Variants in SBF2 observed in about 807,000 individuals in gnomAD.
The protein encoded by SBF2 is myotubularin-related protein 13.
A neutral mutation model predicts 225.2 loss-of-function variants in SBF2; 112 were observed. The observed-to-expected ratio is 0.50, with a 90% confidence interval of 0.43 to 0.58. The LOEUF is 0.58. SBF2 is among the 20% of genes least tolerant of loss of function. The pLI is 0.00. For missense variants in SBF2, 1,996 were observed against 2,206.2 expected (o/e 0.90, Z 1.91); for synonymous variants, 763 against 773.3 (o/e 0.99, Z 0.22).
At chr11:10,299,076 C>T (rs142127780), upstream of SBF2, among the ~76,000 whole-genome samples, 398 of 152,226 alleles carry the variant, frequency 2.6e-3, 1 homozygote, top group Non-Finnish European at 5.2e-3. Flanking sequence ...TGGTGGCTCA[C>T]GCCTGTAATC....
intron 16 of SBF2, among the ~76,000 whole-genome samples, chr11:9,936,988 C>T (rs1864944924): frequency 6.6e-6 from 1 of 152,124 alleles, no homozygotes; most frequent in African/African-American, 2.4e-5. Flanking sequence ...AAAGGTCCCA[C>T]CTCCCAACAC....
At position 10,286,351 on chromosome 11, in the gene SBF2, G is replaced by GTTT. The variant is rs34975719; in HGVS notation, c.55+7661_55+7663dup. Among the ~76,000 whole-genome samples, 517 of 142,600 alleles carry GTTT rather than the reference G, an allele frequency of 3.6e-3. 6 individuals are homozygous for GTTT. The highest frequency in any genetic ancestry group is 4.2e-3 in the African/African-American group (161 of 38,722). The allele number at this position is 142,600 out of a possible 152,430, so 93.6% of individuals were successfully genotyped here. A position where few individuals can be genotyped will look rare whatever the true frequency, so the allele number is the denominator to read the frequency against. On this transcript the variant is annotated intron_variant, in intron 1 of 39. Coordinates refer to ENST00000256190, the MANE Select transcript of SBF2 (RefSeq NM_030962.4). Reference sequence around the variant, plus strand: ...AGCTAGAGGAAGTTTTTGTTCTTTGGTTTTTTTTTTTTTGAGACAGTCTTG... The same window carrying GTTT: ...AGCTAGAGGAAGTTTTTGTTCTTTGGTTTTTTTTTTTTTTTTGAGACAGTCTTG...
intron 1 of SBF2, 69 bp downstream of exon 1, chr11:10,293,946 C>A: frequency 8.5e-7 from 1 of 1,179,318 alleles, no homozygotes; most frequent in Non-Finnish European, 1.1e-6. Flanking sequence ...ACGCCCGGCC[C>A]CGCGGAGCCC....
At chr11:10,280,738 T>A (rs767167604) in intron 1 of SBF2, among the ~76,000 whole-genome samples, 2 of 151,104 alleles carry the variant, frequency 1.3e-5, no homozygotes, top group Non-Finnish European at 2.9e-5. Context: ...CTACCCTTGA[T>A]ACAGCATGGT....
At chr11:10,186,563 T>C (rs1956940892) in intron 2 of SBF2, among the ~76,000 whole-genome samples, 1 of 152,116 alleles carries the variant, frequency 6.6e-6, no homozygotes, top group African/African-American at 2.4e-5. Context: ...AAAAATGTGT[T>C]CATCAACCCA....
At chr11:10,104,429 T>A (rs1320621217) in intron 2 of SBF2, among the ~76,000 whole-genome samples, 1 of 152,130 alleles carries the variant, frequency 6.6e-6, no homozygotes, top group Non-Finnish European at 1.5e-5. Flanking sequence ...AAATCTGAGA[T>A]CAGAAGCAGC....
intron 1 of SBF2, among the ~76,000 whole-genome samples, chr11:10,221,383 G>T (rs938904573): frequency 6.6e-6 from 1 of 152,136 alleles, no homozygotes; most frequent in Non-Finnish European, 1.5e-5. Flanking sequence ...CTCCTAAAGT[G>T]CTGGGATTAC....
intron 14 of SBF2, among the ~76,000 whole-genome samples, chr11:9,965,956 CAATT>C (rs1475601730): frequency 1.3e-5 from 2 of 152,132 alleles, no homozygotes; most frequent in African/African-American, 4.8e-5. Flanking sequence ...TTACAATCTC[CAATT>C]AATAACACAC....
At chr11:9,878,669 A>C (rs539886438) in intron 17 of SBF2, among the ~76,000 whole-genome samples, 1 of 152,340 alleles carries the variant, frequency 6.6e-6, no homozygotes, top group East Asian at 1.9e-4. Context: ...GGTACACACA[A>C]TGCTTGTTAA....
chr11:9,790,424 T>G (rs1437566777), intron 34 of SBF2, 132 bp downstream of exon 34: 1 of 737,770 alleles, frequency 1.4e-6, no homozygotes, highest in Non-Finnish European at 2.1e-6. Flanking sequence ...GTCTCAAACT[T>G]TGAAATAGCT....
chr11:10,293,944 C>T (rs1224819080), intron 1 of SBF2, 71 bp downstream of exon 1: 7 of 1,161,396 alleles, frequency 6.0e-6, no homozygotes, highest in East Asian at 6.7e-5. Context: ...CGACGCCCGG[C>T]CCCGCGGAGC....
intron 6 of SBF2, among the ~76,000 whole-genome samples, chr11:10,005,567 T>C (rs889495993): frequency 6.6e-6 from 1 of 152,174 alleles, no homozygotes; most frequent in African/African-American, 2.4e-5. Context: ...AAAATTTGCC[T>C]TGGTCTCTCA....
chr11:10,216,502 T>C (rs1445106832), intron 1 of SBF2, among the ~76,000 whole-genome samples: 1 of 152,250 alleles, frequency 6.6e-6, no homozygotes, highest in Non-Finnish European at 1.5e-5. Context: ...TCCTTAATAG[T>C]GTTCAACTAA....
Position 9,787,516 on chromosome 11 carries a change from C to G in SBF2, c.5037+118G>C, listed in dbSNP as rs1411312378. ...TCCAGGACATGACCCCTCCCCTTTCCACCCTTCCTTCTGGCCATAAACCCA... is the reference window on the plus strand; with the variant it reads ...TCCAGGACATGACCCCTCCCCTTTCGACCCTTCCTTCTGGCCATAAACCCA... On this transcript the variant is annotated intron_variant, in intron 36 of 39. Transcript: ENST00000256190. 4.9e-6 allele frequency: 4 copies of G among 809,596 alleles called. No individual in the cohort carries two copies. In the East Asian group the frequency reaches 1.0e-4, roughly 21 times the overall value. 50.2% of individuals were successfully genotyped at this position (809,596 alleles called of 1,614,324 possible). A position where few individuals can be genotyped will look rare whatever the true frequency, so the allele number is the denominator to read the frequency against.
intron 2 of SBF2, among the ~76,000 whole-genome samples, chr11:10,079,383 C>T (rs1951266049): frequency 6.6e-6 from 1 of 152,086 alleles, no homozygotes; most frequent in African/African-American, 2.4e-5. Context: ...TATCTACATC[C>T]CCCTATTTAT....
chr11:10,023,403 C>T lies in SBF2; in HGVS notation c.619+5049G>A, dbSNP rs145154831. Reference sequence around the variant, plus strand: ...CTTAATTCTCATACCATAAATTCCCCATTTTAAAGTATACAATTCAGTGGT... The same window carrying T: ...CTTAATTCTCATACCATAAATTCCCTATTTTAAAGTATACAATTCAGTGGT... On this transcript the variant is annotated intron_variant, in intron 6 of 39. Transcript: ENST00000256190. Among the ~76,000 whole-genome samples, 811 of 152,278 alleles carry T rather than the reference C, an allele frequency of 5.3e-3. 5 individuals carry two copies. The highest frequency in any genetic ancestry group is 0.019 in the African/African-American group (773 of 41,556).
chr11:10,248,457 T>C (rs1367060752), intron 1 of SBF2, among the ~76,000 whole-genome samples: 1 of 152,336 alleles, frequency 6.6e-6, no homozygotes, highest in East Asian at 1.9e-4. Context: ...GGCTTGGGAC[T>C]TGTGGAGTGA....
intron 39 of SBF2, among the ~76,000 whole-genome samples, chr11:9,781,260 T>G (rs551797225): frequency 1.4e-4 from 22 of 152,374 alleles, no homozygotes; most frequent in African/African-American, 5.0e-4. Flanking sequence ...GTTCATCTGT[T>G]TCCATGTGCG....
intron 16 of SBF2, among the ~76,000 whole-genome samples, chr11:9,922,065 A>G (rs965991049): frequency 2.0e-5 from 3 of 152,008 alleles, no homozygotes; most frequent in Non-Finnish European, 4.4e-5. Flanking sequence ...TGGGCAACAT[A>G]GTGGGACTCC....
Sources: allele counts gnomAD v4.1 joint callset (sites outside exome capture counted in the v4.1 genomes callset), GRCh38; gene constraint gnomAD v4.1.1; transcripts MANE v1.5; gene names NCBI Gene and HGNC (gene_info 2026-07-23, HGNC 2026-07-21).